The following AMBRA1 variants were observed in gnomAD, a reference collection of about 807,000 sequenced individuals.
AMBRA1 encodes autophagy and beclin 1 regulator 1, also known as activating molecule in BECN1-regulated autophagy protein 1.
AMBRA1 carries 47 observed loss-of-function variants against 125.4 expected under a neutral mutation model. The ratio of observed to expected loss-of-function variants is 0.37; its 90% CI spans 0.30 to 0.48. AMBRA1 has a LOEUF of 0.48. AMBRA1 is among the 20% of genes least tolerant of loss of function. The pLI is 0.99. For synonymous variants in AMBRA1, 626 were observed against 655.5 expected (o/e 0.95, Z 0.69); for missense variants, 1,331 against 1,693.4 (o/e 0.79, Z 3.76).
Position 46,544,160 on chromosome 11 carries a change from C to T in AMBRA1, c.552-119G>A, listed in dbSNP as rs148410207. On this transcript the variant is annotated intron_variant, in intron 5 of 17. Transcript: ENST00000683756. Reference sequence around the variant, plus strand: ...CTGATAACTGGTATCACTCAGGTATCCACTTCATTCAAGACTTCCAAAACT... The same window carrying T: ...CTGATAACTGGTATCACTCAGGTATTCACTTCATTCAAGACTTCCAAAACT... 1,093 of 725,070 alleles carry T rather than the reference C, an allele frequency of 1.5e-3. 8 individuals carry two copies. In the African/African-American group the frequency reaches 0.017, roughly 11 times the overall value. 44.9% of individuals were successfully genotyped at this position (725,070 alleles called of 1,614,324 possible).
intron 11 of AMBRA1, among the ~76,000 whole-genome samples, chr11:46,453,169 C>G (rs1031366466): frequency 5.3e-5 from 8 of 152,184 alleles, no homozygotes; most frequent in African/African-American, 1.9e-4. Flanking sequence ...GTAATGAAAT[C>G]ATATGGTAGG....
intron 1 of AMBRA1, among the ~76,000 whole-genome samples, chr11:46,568,251 A>G (rs2043610009): frequency 1.3e-5 from 2 of 151,786 alleles, no homozygotes; most frequent in Admixed American, 1.3e-4. Flanking sequence ...TGAGGTCAAG[A>G]GTGCAAGACC....
intron 14 of AMBRA1, among the ~76,000 whole-genome samples, chr11:46,430,237 A>G (rs78185204): frequency 2.6e-5 from 4 of 152,320 alleles, no homozygotes; most frequent in South Asian, 2.1e-4. Flanking sequence ...CAGCCAAAAA[A>G]GCTGAGTTTG....
At chr11:46,466,452 G>A (rs1244282209) in intron 11 of AMBRA1, among the ~76,000 whole-genome samples, 4 of 152,194 alleles carry the variant, frequency 2.6e-5, no homozygotes, top group Non-Finnish European at 5.9e-5. Context: ...AGAAGGAGCA[G>A]GAAATTTACA....
At chr11:46,465,133 T>C (rs1223826975) in intron 11 of AMBRA1, among the ~76,000 whole-genome samples, 1 of 152,148 alleles carries the variant, frequency 6.6e-6, no homozygotes, top group African/African-American at 2.4e-5. Context: ...GGACAACTAG[T>C]GCCCACACCT....
chr11:46,475,372 T>A (rs2136898080), intron 11 of AMBRA1, among the ~76,000 whole-genome samples: 1 of 152,346 alleles, frequency 6.6e-6, no homozygotes, highest in Middle Eastern at 3.4e-3. Context: ...CAGTTTAATG[T>A]CCAGGTTCCA....
intron 4 of AMBRA1, 60 bp from the exon 5 acceptor site, chr11:46,545,836 C>T: frequency 1.3e-6 from 2 of 1,547,752 alleles, no homozygotes; most frequent in Non-Finnish European, 1.8e-6. Context: ...ACTGGGAAGT[C>T]AATTTCAAGA....
At chr11:46,523,429 C>T (rs925205202) in intron 7 of AMBRA1, among the ~76,000 whole-genome samples, 6 of 152,154 alleles carry the variant, frequency 3.9e-5, no homozygotes, top group African/African-American at 1.4e-4. Context: ...AATTTCCACT[C>T]TCCTCCCCCG....
At chr11:46,414,561 T>C (rs974166579) in intron 15 of AMBRA1, among the ~76,000 whole-genome samples, 2 of 152,096 alleles carry the variant, frequency 1.3e-5, no homozygotes, top group Non-Finnish European at 2.9e-5. Context: ...CCTATCACAT[T>C]TGTAGGGCTG....
chr11:46,566,398 A>G (rs1288197366), intron 1 of AMBRA1, among the ~76,000 whole-genome samples: 1 of 151,986 alleles, frequency 6.6e-6, no homozygotes, highest in Non-Finnish European at 1.5e-5. Flanking sequence ...AGCCTGGGTG[A>G]CACAGCGAGA....
chr11:46,594,004 A>C lies in AMBRA1; in HGVS notation c.-297T>G, dbSNP rs575694260. The C allele has an allele frequency of 0.011, 4,229 of 398,666 alleles. 33 individuals are homozygous for C. The highest frequency in any genetic ancestry group is 0.015 in the Non-Finnish European group (3,332 of 226,074). The allele number at this position is 398,666 out of a possible 1,614,324, so 24.7% of individuals were successfully genotyped here. A position where few individuals can be genotyped will look rare whatever the true frequency, so the allele number is the denominator to read the frequency against. On this transcript the variant is annotated 5_prime_UTR_variant, in exon 1 of 18. Transcript: ENST00000683756. ...CCTCGACCCGGCGCCGCCGCCGCTC[A>C]GGAGACATCAAGCAAGAAGACGGCG...
intron 17 of AMBRA1, among the ~76,000 whole-genome samples, chr11:46,400,475 T>TG (rs1945692916): frequency 1.9e-5 from 1 of 52,484 alleles, no homozygotes; most frequent in Admixed American, 1.9e-4. Flanking sequence ...TTTCTATAGT[T>TG]TTTTTTTTTT....
intron 17 of AMBRA1, among the ~76,000 whole-genome samples, chr11:46,404,702 C>T (rs1232928523): frequency 1.3e-5 from 2 of 152,184 alleles, no homozygotes; most frequent in Non-Finnish European, 2.9e-5. Flanking sequence ...CATCCTCTAC[C>T]GCCTACTCTA....
At chr11:46,458,464 GAAT>G (rs1300586996) in intron 11 of AMBRA1, among the ~76,000 whole-genome samples, 1 of 152,046 alleles carries the variant, frequency 6.6e-6, no homozygotes, top group African/African-American at 2.4e-5. Flanking sequence ...AGTTTCCTCC[GAAT>G]TCAAGTGTTT....
At chr11:46,477,484 C>T (rs996167596) in intron 11 of AMBRA1, among the ~76,000 whole-genome samples, 6 of 148,068 alleles carry the variant, frequency 4.1e-5, no homozygotes, top group Non-Finnish European at 8.9e-5. Context: ...TGCTACCAAG[C>T]TCAGCTAATT....
chr11:46,496,947 A>G (rs932641309), intron 9 of AMBRA1, among the ~76,000 whole-genome samples: 2 of 151,930 alleles, frequency 1.3e-5, no homozygotes, highest in African/African-American at 4.8e-5. Flanking sequence ...CCTCATCTCT[A>G]CTAAAAATAC....
At chr11:46,482,177 C>T (rs1950096366) in intron 11 of AMBRA1, among the ~76,000 whole-genome samples, 1 of 152,188 alleles carries the variant, frequency 6.6e-6, no homozygotes, top group Non-Finnish European at 1.5e-5. Flanking sequence ...TATAATACTA[C>T]TTCATGGCCA....
chr11:46,587,575 C>A (rs773439528), intron 1 of AMBRA1, among the ~76,000 whole-genome samples: 7 of 152,104 alleles, frequency 4.6e-5, no homozygotes, highest in African/African-American at 7.2e-5. Context: ...AATTATGATT[C>A]GTGATTCCAA....
intron 17 of AMBRA1, among the ~76,000 whole-genome samples, chr11:46,407,133 C>T (rs558261657): frequency 6.6e-6 from 1 of 151,612 alleles, no homozygotes; most frequent in African/African-American, 2.4e-5. Flanking sequence ...GAGCTGAGAT[C>T]GCAGAGGCTG....
Sources: allele counts gnomAD v4.1 joint callset (sites outside exome capture counted in the v4.1 genomes callset), GRCh38; gene constraint gnomAD v4.1.1; transcripts MANE v1.5; gene names NCBI Gene and HGNC (gene_info 2026-07-23, HGNC 2026-07-21).